FLT1: variants seen among roughly 807,000 people sequenced by gnomAD.
FLT1 encodes the protein fms related receptor tyrosine kinase 1.
In FLT1, 49 loss-of-function variants were observed where a neutral mutation model predicts 156.3. That is an observed-to-expected ratio of 0.31 (90% confidence interval 0.25 to 0.40). The LOEUF (loss-of-function observed/expected upper bound fraction) is 0.40. Among genes scored for constraint, FLT1 ranks in the 10% least tolerant of loss-of-function variants. FLT1 has a pLI of 1.00. For missense variants in FLT1, 1,322 were observed against 1,637.2 expected (o/e 0.81, Z 3.32); for synonymous variants, 594 against 583.8 (o/e 1.02, Z -0.25).
At chr13:28,459,351 T>C (rs1342047186) in intron 3 of FLT1, among the ~76,000 whole-genome samples, 2 of 152,200 alleles carry the variant, frequency 1.3e-5, no homozygotes, top group African/African-American at 2.4e-5. Context: ...GACTCTATGG[T>C]GGGAACCCTA....
chr13:28,444,874 C>T (rs1294460457), intron 3 of FLT1, among the ~76,000 whole-genome samples: 2 of 151,972 alleles, frequency 1.3e-5, no homozygotes, highest in Non-Finnish European at 2.9e-5. Flanking sequence ...GAAGCTAAAA[C>T]AGTGTTTAGA....
intron 15 of FLT1, among the ~76,000 whole-genome samples, chr13:28,350,363 A>C (rs183414432): frequency 2.2e-4 from 33 of 152,066 alleles, no homozygotes; most frequent in African/African-American, 8.0e-4. Flanking sequence ...CACGTCAAGT[A>C]CTCTCCCAGG....
intron 14 of FLT1, among the ~76,000 whole-genome samples, chr13:28,368,888 T>G (rs1873425748): frequency 6.6e-6 from 1 of 151,200 alleles, no homozygotes; most frequent in South Asian, 2.1e-4. Context: ...TGTTTTTAGT[T>G]GAGATGGGGT....
chr13:28,399,193 G>A, intron 11 of FLT1: 1 of 959,754 alleles, frequency 1.0e-6, no homozygotes, highest in Non-Finnish European at 1.5e-6. Flanking sequence ...ACCCTTCAAA[G>A]CAGTATGCAA....
intron 2 of FLT1, 99 bp downstream of exon 2, chr13:28,467,422 C>T (rs1593827121): frequency 4.8e-6 from 4 of 824,914 alleles, no homozygotes; most frequent in South Asian, 2.9e-5. Flanking sequence ...TTGCAGATCA[C>T]AGGAGATCAC....
chr13:28,348,001 C>T (rs1052576508), intron 15 of FLT1, among the ~76,000 whole-genome samples: 9 of 152,304 alleles, frequency 5.9e-5, no homozygotes, highest in South Asian at 4.1e-4. Context: ...CCTTTACAAG[C>T]GCAGATTAAT....
rs1339133014 is a variant in FLT1 at position 28,430,135 on chromosome 13, G to C, written c.1021C>G (p.Gln341Glu). The change falls in exon 8 of 30, where the codon CAG (glutamine) becomes GAG (glutamate). Residue 341 changes from glutamine to glutamate, a missense_variant. By Grantham distance (29) the Gln-to-Glu change is conservative. Coordinates refer to ENST00000282397, the MANE Select transcript of FLT1 (RefSeq NM_002019.4). ...CCAGCTACGGTTTCAAGCACCTGCT[G>C]TTTTCGATGTTTCACAGTGATGAAT... ...KAFITVKHRK[Q>E]QVLETVAGKR... 1 of 1,613,460 alleles carries C rather than the reference G, an allele frequency of 6.2e-7. No individual in the cohort carries two copies. Among genetic ancestry groups the C allele is most frequent in the Non-Finnish European group, 8.5e-7 (1 of 1,179,534 alleles).
At chr13:28,328,244 TC>T (rs941215378) in intron 19 of FLT1, 6 of 152,278 alleles carry the variant, frequency 3.9e-5, no homozygotes, top group African/African-American at 1.4e-4. Flanking sequence ...TTTTATTTTT[TC>T]CCCCAACTTT....
intron 14 of FLT1, among the ~76,000 whole-genome samples, chr13:28,361,702 A>G (rs1286512050): frequency 6.6e-6 from 1 of 152,230 alleles, no homozygotes; most frequent in East Asian, 1.9e-4. Flanking sequence ...TTAAAAACAC[A>G]AAACTTTGCT....
chr13:28,303,450 T>A, intron 29 of FLT1, 82 bp from the exon 30 acceptor site: 1 of 1,227,852 alleles, frequency 8.1e-7, no homozygotes, highest in Non-Finnish European at 1.2e-6. Context: ...TCTTTCTGAG[T>A]GGGTCATTTG....
At chr13:28,317,696 T>G (rs916951567) in intron 24 of FLT1, 99 bp from the exon 25 acceptor site, 2 of 767,822 alleles carry the variant, frequency 2.6e-6, no homozygotes, top group Non-Finnish European at 4.7e-6. Flanking sequence ...CCTTTAAAGC[T>G]ACGTTTTAGT....
intron 16 of FLT1, among the ~76,000 whole-genome samples, 182 bp downstream of exon 16, chr13:28,345,263 C>T (rs1401286213): frequency 6.6e-6 from 1 of 152,116 alleles, no homozygotes; most frequent in East Asian, 1.9e-4. Flanking sequence ...TTTGAACACC[C>T]CCCCTTGTGG....
At position 28,430,143 on chromosome 13, in the gene FLT1, T is replaced by G. The variant is rs982013779; in HGVS notation, c.1013A>C (p.His338Pro). 6.2e-7 allele frequency: 1 copy of G among 1,613,200 alleles called. No homozygotes were observed. Among genetic ancestry groups the G allele is most frequent in the Non-Finnish European group, 8.5e-7 (1 of 1,179,176 alleles). Residue 338 changes from histidine (H) to proline (P), a missense_variant, in exon 8 of 30, where the codon CAT becomes CCT. Coordinates refer to ENST00000282397, the MANE Select transcript of FLT1 (RefSeq NM_002019.4). ...IYDKAFITVKHRKQQVLETVA... is the reference protein window; with the variant it reads ...IYDKAFITVKPRKQQVLETVA... ...GGTTTCAAGCACCTGCTGTTTTCGA[T>G]GTTTCACAGTGATGAATGCTTTATC... is the stretch of plus-strand genomic sequence containing the variant.
chr13:28,351,999 ATG>A (rs1872748761), intron 15 of FLT1, among the ~76,000 whole-genome samples: 1 of 152,240 alleles, frequency 6.6e-6, no homozygotes. Context: ...CCATTTTACA[ATG>A]AGAGACTGGA....
At position 28,389,991 on chromosome 13, in the gene FLT1, G is replaced by A. The variant is rs2137459556; in HGVS notation, c.1774C>T (p.Leu592=). The A allele has an allele frequency of 1.2e-6, 2 of 1,614,164 alleles. No homozygotes were observed. The highest frequency in any genetic ancestry group is 1.1e-5 in the South Asian group (1 of 91,080). ...FLYRDVTWIL[L]RTVNNRTMHY... ...ATTGTTCTGTTATTAACTGTCCGCA[G>A]TAAAATCCAAGTAACGTCTCTGTAT... Residue 592 remains leucine (L), a synonymous_variant, in exon 13 of 30, where the codon CTG becomes TTG. Coordinates refer to ENST00000282397, the MANE Select transcript of FLT1 (RefSeq NM_002019.4).
intron 25 of FLT1, among the ~76,000 whole-genome samples, chr13:28,313,519 A>C (rs568843622): frequency 2.6e-5 from 4 of 152,162 alleles, no homozygotes; most frequent in Non-Finnish European, 5.9e-5. Flanking sequence ...TCAAACCTGA[A>C]TGGGCTCCGA....
intron 15 of FLT1, among the ~76,000 whole-genome samples, chr13:28,346,555 TA>T (rs57802783): frequency 0.61 from 84,907 of 139,060 alleles, 25,931 homozygotes; most frequent in East Asian, 0.74. Context: ...TGCCTTCTCT[TA>T]AAAAAAAAAA....
At chr13:28,317,741 T>A in intron 24 of FLT1, 144 bp from the exon 25 acceptor site, 2 of 691,170 alleles carry the variant, frequency 2.9e-6, no homozygotes, top group Non-Finnish European at 5.3e-6. Context: ...GATCTCAACA[T>A]ACCGTACAAC....
In FLT1 at chr13:28,306,682, T is replaced by C. The variant is rs753757304; in HGVS notation, c.3811A>G (p.Ile1271Val). The change falls in exon 29 of 30, where the codon ATT (isoleucine) becomes GTT (valine). Residue 1271 changes from isoleucine (I) to valine (V), a missense_variant. By Grantham distance (29) the Ile-to-Val change is conservative. Coordinates refer to ENST00000282397, the MANE Select transcript of FLT1 (RefSeq NM_002019.4). Reference protein sequence around the residue: ...TDSKPKASLKIDLRVTSKSKE... With the variant: ...TDSKPKASLKVDLRVTSKSKE... ...GAAAAGATACCCAATTCTTACTCAA[T>C]CTTGAGCGAGGCCTTGGGTTTGCTG... The C allele has an allele frequency of 6.2e-7, 1 of 1,609,728 alleles. No individual in the cohort carries two copies. The highest frequency in any genetic ancestry group is 8.5e-7 in the Non-Finnish European group (1 of 1,176,072).
Sources: gnomAD v4.1 joint callset for allele counts (sites outside exome capture counted in the v4.1 genomes callset) on GRCh38, gnomAD v4.1.1 for gene constraint, MANE v1.5 for transcripts, NCBI Gene and HGNC (gene_info 2026-07-23, HGNC 2026-07-21) for gene names.